Variants in TRPC5 observed in about 807,000 individuals in gnomAD.
TRPC5 encodes the protein transient receptor potential cation channel subfamily C member 5, also known as short transient receptor potential channel 5.
TRPC5 carries 9 observed loss-of-function variants against 56.5 expected under a neutral mutation model. The observed-to-expected ratio is 0.16, with a 90% confidence interval of 0.10 to 0.28. TRPC5 has a LOEUF of 0.28. Among genes scored for constraint, TRPC5 ranks in the 10% least tolerant of loss-of-function variants. TRPC5 has a pLI of 1.00. For missense variants in TRPC5, 469 were observed against 748.9 expected (o/e 0.63, Z 4.36); for synonymous variants, 282 against 278.5 (o/e 1.01, Z -0.13).
At position 111,825,129 on chromosome X, in the gene TRPC5, TC is replaced by T; in HGVS notation, c.1896+9791del. On this transcript the variant is annotated intron_variant, in intron 7 of 10. Coordinates refer to ENST00000262839, the MANE Select transcript of TRPC5 (RefSeq NM_012471.3). ...TTCTCTTTCTTTCTTTTCTTTCTTT[TC>T]CTTCCTTCCTTCCTTCCTTTCTTTC... Among the ~76,000 whole-genome samples, 6 of 75,796 alleles carry T rather than the reference TC, an allele frequency of 7.9e-5. 1 individual carries two copies. Among genetic ancestry groups the T allele is most frequent in the Admixed American group, 3.7e-4 (3 of 8,046 alleles). 65.8% of individuals were successfully genotyped at this position (75,796 alleles called of 115,157 possible).
At chrX:111,980,887 A>AATATATATATATATTATATATATGTATAT (rs1928060133) in intron 1 of TRPC5, among the ~76,000 whole-genome samples, 1 of 100,225 alleles carries the variant, frequency 1.0e-5, no homozygotes, top group African/African-American at 3.8e-5. Flanking sequence ...GACTGTGACT[A>AATATATATATATATTATATATATGTATAT]ATATATATAT....
At chrX:111,832,472 T>A (rs188701315) in intron 7 of TRPC5, among the ~76,000 whole-genome samples, 1 of 112,153 alleles carries the variant, frequency 8.9e-6, no homozygotes, top group East Asian at 2.8e-4. Context: ...TTTCTCCCTA[T>A]ATCAAGGACC....
intron 1 of TRPC5, among the ~76,000 whole-genome samples, chrX:112,064,256 G>T (rs6642983): frequency 9.0e-6 from 1 of 111,349 alleles, no homozygotes; most frequent in Non-Finnish European, 1.9e-5. Flanking sequence ...CTTTCTTGCT[G>T]TCAGGTAGAT....
In TRPC5 at chrX:111,775,489, G is replaced by A. The variant is rs986121499; in HGVS notation, c.*824C>T. 4 of 112,141 alleles carry A rather than the reference G, an allele frequency of 3.6e-5. No individual in the cohort carries two copies. The highest frequency in any genetic ancestry group is 7.5e-5 in the Non-Finnish European group (4 of 53,295). The allele number at this position is 112,141 out of a possible 1,213,427, so 9.2% of individuals were successfully genotyped here. A position where few individuals can be genotyped will look rare whatever the true frequency, so the allele number is the denominator to read the frequency against. On this transcript the variant is annotated 3_prime_UTR_variant, in exon 11 of 11. Coordinates refer to ENST00000262839, the MANE Select transcript of TRPC5 (RefSeq NM_012471.3). ...TGAGATGTAGTGACTATTGGTTAGA[G>A]TGTAGTAGATGTTTTTAAAAAATAG...
intron 2 of TRPC5, among the ~76,000 whole-genome samples, chrX:111,934,278 G>T (rs1603105326): frequency 9.8e-6 from 1 of 102,564 alleles, no homozygotes. Context: ...GTAATTTTAT[G>T]GTTTCAGGTT....
chrX:111,985,188 C>T (rs1928181653), intron 1 of TRPC5, among the ~76,000 whole-genome samples: 1 of 112,366 alleles, frequency 8.9e-6, no homozygotes, highest in Admixed American at 9.4e-5. Flanking sequence ...ACCGTAATGG[C>T]TCACACTCTA....
chrX:111,782,841 A>ACACACACAC (rs55909429), intron 7 of TRPC5, among the ~76,000 whole-genome samples: 3 of 108,911 alleles, frequency 2.8e-5, no homozygotes, highest in Admixed American at 9.8e-5. Flanking sequence ...ACACACACAC[A>ACACACACAC]TCAGTGTACA....
Position 112,080,395 on chromosome X carries a change from TACACACACACAC to T in TRPC5, c.-22+1472_-22+1483del, listed in dbSNP as rs201063739. Among the ~76,000 whole-genome samples, 756 of 79,161 alleles carry T rather than the reference TACACACACACAC, an allele frequency of 9.6e-3. 12 individuals are homozygous for T. The highest frequency in any genetic ancestry group is 0.033 in the African/African-American group (700 of 21,523). The allele number at this position is 79,161 out of a possible 115,157, so 68.7% of individuals were successfully genotyped here. On this transcript the variant is annotated intron_variant, in intron 1 of 10. Transcript: ENST00000262839. ...TGATTGAGGTCCTTGAAAAACTACA[TACACACACACAC>T]ACACACACACACACACACACACACA...
At chrX:111,857,997 G>A (rs1042599351) in intron 3 of TRPC5, among the ~76,000 whole-genome samples, 5 of 112,257 alleles carry the variant, frequency 4.5e-5, no homozygotes, top group African/African-American at 6.5e-5. Flanking sequence ...TTTCAATTTG[G>A]CTCAAGCTGG....
intron 5 of TRPC5, among the ~76,000 whole-genome samples, chrX:111,848,877 C>T (rs1049120199): frequency 8.9e-6 from 1 of 112,142 alleles, no homozygotes; most frequent in Non-Finnish European, 1.9e-5. Flanking sequence ...GCCTGTTTTA[C>T]AAATGGAGGA....
chrX:111,905,478 A>G (rs1453517543), intron 3 of TRPC5, among the ~76,000 whole-genome samples: 4 of 112,194 alleles, frequency 3.6e-5, no homozygotes, highest in Non-Finnish European at 3.8e-5. Context: ...TCAGTTTCCA[A>G]TATCACATCT....
intron 7 of TRPC5, among the ~76,000 whole-genome samples, chrX:111,789,335 A>G (rs989862659): frequency 8.9e-6 from 1 of 112,053 alleles, no homozygotes; most frequent in Non-Finnish European, 1.9e-5. Flanking sequence ...TATTTAATAA[A>G]TGGTACTGGG....
intron 1 of TRPC5, among the ~76,000 whole-genome samples, chrX:112,019,593 A>G (rs568334259): frequency 7.2e-5 from 8 of 110,384 alleles, no homozygotes; most frequent in African/African-American, 2.0e-4. Context: ...CCACCACCAC[A>G]CCCGGCTAAT....
At chrX:112,066,282 C>T (rs1264955783) in intron 1 of TRPC5, among the ~76,000 whole-genome samples, 1 of 110,539 alleles carries the variant, frequency 9.0e-6, no homozygotes, top group East Asian at 2.9e-4. Flanking sequence ...TTTTATTTGG[C>T]ATTTGGTTGT....
rs757301931 is a variant in TRPC5, at chrX:111,776,374, C to G, written c.2861G>C (p.Cys954Ser). 1 of 1,205,871 alleles carries G rather than the reference C, an allele frequency of 8.3e-7. No individual in the cohort carries two copies. Among genetic ancestry groups the G allele is most frequent in the Admixed American group, 2.2e-5 (1 of 45,165 alleles). Residue 954 changes from cysteine to serine, a missense_variant, in exon 11 of 11, where the codon TGT (cysteine) becomes TCT (serine). By Grantham distance (112) the Cys-to-Ser change is moderately radical (BLOSUM62 -1). Transcript: ENST00000262839. ...EDVFETWGEACDLLMHKWGDG... is the reference protein window; with the variant it reads ...EDVFETWGEASDLLMHKWGDG... The stretch of plus-strand genomic sequence containing the variant: ...ACCCCATTTGTGCATGAGCAAGTCA[C>G]AAGCCTCTCCCCAAGTTTCAAATAC...
At position 111,905,871 on chromosome X, in the gene TRPC5, T is replaced by C. The variant is rs192364886; in HGVS notation, c.900+6420A>G. Among the ~76,000 whole-genome samples the C allele has an allele frequency of 1.6e-3, 152 of 96,710 alleles. No individual in the cohort carries two copies. The South Asian group carries it at 0.048, about 30-fold the overall frequency. The allele number at this position is 96,710 out of a possible 115,157, so 84.0% of individuals were successfully genotyped here. On this transcript the variant is annotated intron_variant, in intron 3 of 10. Coordinates refer to ENST00000262839, the MANE Select transcript of TRPC5 (RefSeq NM_012471.3). ...CGGAGCTTGCAGTGAGCCAAGATCG[T>C]GCCACTGCACTCCAGCCTGGGCGAC... is the stretch of plus-strand genomic sequence containing the variant.
At chrX:111,979,691 T>C (rs1205220556) in intron 1 of TRPC5, among the ~76,000 whole-genome samples, 30 of 111,861 alleles carry the variant, frequency 2.7e-4, no homozygotes, top group Non-Finnish European at 1.3e-4. Context: ...AAAAAGGATA[T>C]ATAAATGGAA....
intron 3 of TRPC5, among the ~76,000 whole-genome samples, chrX:111,912,090 G>C (rs1372603057): frequency 1.8e-5 from 2 of 112,093 alleles, no homozygotes; most frequent in African/African-American, 6.5e-5. Context: ...TTCCACCAAA[G>C]AATCAGATGG....
chrX:111,995,592 C>G (rs1353552922), intron 1 of TRPC5, among the ~76,000 whole-genome samples: 2 of 110,978 alleles, frequency 1.8e-5, no homozygotes, highest in Admixed American at 9.6e-5. Flanking sequence ...TCCATCTGGT[C>G]CTGGACTTTT....
Sources: allele counts gnomAD v4.1 joint callset (sites outside exome capture counted in the v4.1 genomes callset), GRCh38; gene constraint gnomAD v4.1.1; transcripts MANE v1.5; gene names NCBI Gene and HGNC (gene_info 2026-07-23, HGNC 2026-07-21).